CMC1: variants seen among roughly 807,000 people sequenced by gnomAD.
CMC1 encodes COX assembly mitochondrial protein homolog.
Under a neutral mutation model 14.1 loss-of-function variants are expected in CMC1, and 14 were observed. That is an observed-to-expected ratio of 0.99 (90% confidence interval 0.66 to 1.55). The LOEUF (loss-of-function observed/expected upper bound fraction) is 1.55. Ranked by LOEUF, CMC1 falls within the 40% of genes most tolerant of loss-of-function variation. The pLI is 0.00. For missense variants in CMC1, 127 were observed against 123.8 expected (o/e 1.03, Z -0.12); for synonymous variants, 50 against 38.4 (o/e 1.30, Z -1.12).
chr3:28,256,866 A>G (rs993907244), intron 1 of CMC1, among the ~76,000 whole-genome samples: 2 of 152,342 alleles, frequency 1.3e-5, no homozygotes, highest in Non-Finnish European at 1.5e-5. Context: ...CTGATTGTCT[A>G]CATAGAAATT....
At chr3:28,292,124 G>C (rs1701500011) in intron 2 of CMC1, among the ~76,000 whole-genome samples, 1 of 152,056 alleles carries the variant, frequency 6.6e-6, no homozygotes, top group Non-Finnish European at 1.5e-5. Flanking sequence ...TTTCCCCAGT[G>C]CATTCTAGGA....
intron 1 of CMC1, among the ~76,000 whole-genome samples, chr3:28,243,072 T>G (rs1462080779): frequency 1.3e-5 from 2 of 152,086 alleles, no homozygotes; most frequent in Non-Finnish European, 2.9e-5. Context: ...TTTTTTATTT[T>G]ACTGAAACGG....
At position 28,283,209 on chromosome 3, in the gene CMC1, C is replaced by T. The variant is rs1309400090; in HGVS notation, c.109+19829C>T. 2.6e-5 allele frequency among the ~76,000 whole-genome samples: 4 copies of T among 151,986 alleles called. No homozygotes were observed. In the East Asian group the frequency reaches 5.8e-4, roughly 22 times the overall value. ...GGTCAAACCATGGGTAAATATCAAG[C>T]ACATGATTAGAAACCAGTTCTTGGC... On this transcript the variant is annotated intron_variant, in intron 2 of 3. Transcript: ENST00000466830.
At chr3:28,251,403 C>G (rs1180482908) in intron 1 of CMC1, among the ~76,000 whole-genome samples, 1 of 152,150 alleles carries the variant, frequency 6.6e-6, no homozygotes, top group Non-Finnish European at 1.5e-5. Context: ...CAAAGCTGTT[C>G]ATGAGACATC....
chr3:28,292,006 T>A (rs1430196279), intron 2 of CMC1: 3 of 152,200 alleles, frequency 2.0e-5, no homozygotes, highest in Non-Finnish European at 4.4e-5. Context: ...TTGTTTTGTT[T>A]TTGTTTTTGC....
rs17021337 is a variant in CMC1, at chr3:28,289,968, T to C, written c.110-26365T>C. ...AACAAAAGATTTGCTAAAGTTTATG[T>C]AAATGTTTCTTGATAAAAGGTTACT... On this transcript the variant is annotated intron_variant, in intron 2 of 3. Transcript: ENST00000466830. Among the ~76,000 whole-genome samples the C allele has an allele frequency of 2.6e-3, 391 of 152,276 alleles. 2 individuals carry two copies. Among genetic ancestry groups the C allele is most frequent in the African/African-American group, 8.9e-3 (369 of 41,578 alleles).
At chr3:28,307,185 A>G (rs567530213) in intron 2 of CMC1, among the ~76,000 whole-genome samples, 2 of 152,292 alleles carry the variant, frequency 1.3e-5, no homozygotes, top group South Asian at 4.1e-4. Context: ...ATGGGATACA[A>G]GTTTTTGTTA....
intron 2 of CMC1, among the ~76,000 whole-genome samples, chr3:28,293,785 T>C (rs1701606029): frequency 1.3e-5 from 2 of 152,086 alleles, no homozygotes; most frequent in Admixed American, 1.3e-4. Flanking sequence ...TTTCACCATG[T>C]TGGCCAGGCT....
chr3:28,318,441 G>T (rs759201104), intron 3 of CMC1: 34 of 150,032 alleles, frequency 2.3e-4, no homozygotes, highest in Non-Finnish European at 4.8e-4. Context: ...ACTTCTCCAT[G>T]TTTTTAATCT....
intron 2 of CMC1, among the ~76,000 whole-genome samples, chr3:28,303,081 TA>T (rs1702139369): frequency 6.6e-6 from 1 of 152,174 alleles, no homozygotes; most frequent in Non-Finnish European, 1.5e-5. Flanking sequence ...CAAATGAAGA[TA>T]AAAATAGTGC....
At position 28,324,416 on chromosome 3, in the gene CMC1, C is replaced by T. The variant is rs34458963; in HGVS notation, c.*4787C>T. Reference sequence around the variant, plus strand: ...TTCATCAAGTGCAGTTTTGTGCTGTCTCTTCCAAGGTCTTCACTGCATCCT... The same window carrying T: ...TTCATCAAGTGCAGTTTTGTGCTGTTTCTTCCAAGGTCTTCACTGCATCCT... On this transcript the variant is annotated 3_prime_UTR_variant, in exon 4 of 4. Transcript: ENST00000466830. The T allele has an allele frequency of 6.5e-7, 1 of 1,537,804 alleles. No individual in the cohort carries two copies. Among genetic ancestry groups the T allele is most frequent in the Non-Finnish European group, 8.8e-7 (1 of 1,141,250 alleles).
chr3:28,296,189 A>C (rs1281334663), intron 2 of CMC1, among the ~76,000 whole-genome samples: 2 of 152,098 alleles, frequency 1.3e-5, no homozygotes, highest in African/African-American at 4.8e-5. Flanking sequence ...AATGTGACAG[A>C]TACTTCCTAT....
chr3:28,245,415 C>G (rs1303435721), intron 1 of CMC1, among the ~76,000 whole-genome samples: 1 of 152,106 alleles, frequency 6.6e-6, no homozygotes, highest in Non-Finnish European at 1.5e-5. Flanking sequence ...TGATTTTTCA[C>G]TTTCTCTATC....
At chr3:28,272,532 G>T (rs1700350283) in intron 2 of CMC1, among the ~76,000 whole-genome samples, 1 of 152,066 alleles carries the variant, frequency 6.6e-6, no homozygotes, top group African/African-American at 2.4e-5. Flanking sequence ...TTATTGATTT[G>T]CATGTGTTGA....
intron 2 of CMC1, among the ~76,000 whole-genome samples, chr3:28,266,768 T>C (rs2125471947): frequency 6.6e-6 from 1 of 152,286 alleles, no homozygotes; most frequent in East Asian, 1.9e-4. Context: ...ACTCTGTTGA[T>C]ATCAAAAGAA....
chr3:28,255,534 C>T (rs1559402138), intron 1 of CMC1, among the ~76,000 whole-genome samples: 1 of 152,074 alleles, frequency 6.6e-6, no homozygotes, highest in Admixed American at 6.6e-5. Context: ...GCATGAACCA[C>T]TGTGCCCGGC....
At chr3:28,283,731 T>C (rs1213406393) in intron 2 of CMC1, among the ~76,000 whole-genome samples, 1 of 152,190 alleles carries the variant, frequency 6.6e-6, no homozygotes, top group Non-Finnish European at 1.5e-5. Flanking sequence ...CGGAATACCC[T>C]GGCTTTATTG....
At chr3:28,282,321 G>T (rs1700940217) in intron 2 of CMC1, among the ~76,000 whole-genome samples, 1 of 152,122 alleles carries the variant, frequency 6.6e-6, no homozygotes, top group Non-Finnish European at 1.5e-5. Context: ...GATTGCTGTG[G>T]CATAACCCGT....
chr3:28,292,415 C>T (rs1050551492), intron 2 of CMC1, among the ~76,000 whole-genome samples: 4 of 151,946 alleles, frequency 2.6e-5, no homozygotes, highest in Admixed American at 6.6e-5. Context: ...TCCTTCTTCC[C>T]TGATTTTACC....
Sources: gnomAD v4.1 joint callset for allele counts (sites outside exome capture counted in the v4.1 genomes callset) on GRCh38, gnomAD v4.1.1 for gene constraint, MANE v1.5 for transcripts, NCBI Gene and HGNC (gene_info 2026-07-23, HGNC 2026-07-21) for gene names.